LRRC72: variants seen among roughly 807,000 people sequenced by gnomAD.
The protein encoded by LRRC72 is leucine rich repeat containing 72, also known as leucine-rich repeat-containing protein 72.
Under a neutral mutation model 35.8 loss-of-function variants are expected in LRRC72, and 41 were observed. The ratio of observed to expected loss-of-function variants is 1.15; its 90% CI spans 0.89 to 1.49. The LOEUF (loss-of-function observed/expected upper bound fraction) is 1.49, where lower values mean the gene tolerates loss of function less well. Among genes scored for constraint, LRRC72 ranks in the 40% most tolerant of loss-of-function variants. The pLI is 0.00. For missense variants in LRRC72, 389 were observed against 330.7 expected (o/e 1.18, Z -1.37); for synonymous variants, 118 against 119.2 (o/e 0.99, Z 0.07).
intron 7 of LRRC72, among the ~76,000 whole-genome samples, chr7:16,575,243 G>T (rs1783019351): frequency 6.6e-6 from 1 of 152,176 alleles, no homozygotes; most frequent in South Asian, 2.1e-4. Context: ...ATTTGGCTCA[G>T]AATAAATCCC....
intron 3 of LRRC72, among the ~76,000 whole-genome samples, chr7:16,552,260 C>T (rs1427188363): frequency 1.3e-5 from 2 of 152,216 alleles, no homozygotes; most frequent in East Asian, 1.9e-4. Flanking sequence ...ATGTTAAAAT[C>T]AACAATTACA....
chr7:16,527,909 A>C (rs1229940214), intron 1 of LRRC72, among the ~76,000 whole-genome samples: 1 of 152,132 alleles, frequency 6.6e-6, no homozygotes, highest in African/African-American at 2.4e-5. Context: ...CTTTGATTCT[A>C]GATCCTCAGG....
At chr7:16,556,217 T>C (rs1422125224) in intron 3 of LRRC72, among the ~76,000 whole-genome samples, 1 of 152,226 alleles carries the variant, frequency 6.6e-6, no homozygotes, top group Admixed American at 6.5e-5. Flanking sequence ...TTTCCATTCA[T>C]ATGGAATTTT....
intron 7 of LRRC72, 65 bp from the exon 8 acceptor site, chr7:16,580,009 C>T (rs2128339615): frequency 2.9e-6 from 1 of 350,522 alleles, no homozygotes; most frequent in Non-Finnish European, 5.7e-6. Flanking sequence ...TAGCATTGTT[C>T]CACTGTTTTT....
chr7:16,563,478 A>T (rs531711403), intron 5 of LRRC72, among the ~76,000 whole-genome samples: 1 of 152,186 alleles, frequency 6.6e-6, no homozygotes, highest in Non-Finnish European at 1.5e-5. Flanking sequence ...GCCTAGAGGG[A>T]AGGTGGATTA....
intron 2 of LRRC72, among the ~76,000 whole-genome samples, chr7:16,533,059 T>G (rs1046134252): frequency 6.6e-6 from 1 of 152,150 alleles, no homozygotes; most frequent in Non-Finnish European, 1.5e-5. Flanking sequence ...TTCTCAGGGT[T>G]GTTGTGAAGC....
intron 2 of LRRC72, among the ~76,000 whole-genome samples, chr7:16,533,376 TA>T (rs1434322876): frequency 1.3e-5 from 2 of 152,114 alleles, no homozygotes; most frequent in South Asian, 4.1e-4. Flanking sequence ...AAGGGAGTTA[TA>T]AATAAGATTA....
Position 16,558,946 on chromosome 7 carries a change from A to C in LRRC72, c.374A>C (p.Asn125Thr), listed in dbSNP as rs1217918753. 1.9e-6 allele frequency: 3 copies of C among 1,538,538 alleles called. No homozygotes were observed. Among genetic ancestry groups the C allele is most frequent in the Admixed American group, 2.0e-5 (1 of 50,308 alleles). The change falls in exon 5 of 9, where the codon AAC becomes ACC. Residue 125 changes from asparagine to threonine, a missense_variant. Asn to Thr is a moderately conservative substitution (Grantham distance 65). Coordinates refer to ENST00000401542, the MANE Select transcript of LRRC72 (RefSeq NM_001195280.2). Reference sequence around the variant, plus strand: ...CTGCTACACCACAATGAGCTAACCAACATTGATGCAACAGTGAAGGAATTA... The same window carrying C: ...CTGCTACACCACAATGAGCTAACCACCATTGATGCAACAGTGAAGGAATTA... ...ILLLHHNELTNIDATVKELKG... is the reference protein window; with the variant it reads ...ILLLHHNELTTIDATVKELKG...
At chr7:16,527,108 T>A (rs964217384) in intron 1 of LRRC72, 66 bp downstream of exon 1, 10 of 1,306,766 alleles carry the variant, frequency 7.7e-6, no homozygotes, top group Non-Finnish European at 9.6e-6. Flanking sequence ...CCCCACCTCC[T>A]GCCTGAGGAC....
chr7:16,534,322 G>A (rs17169536), intron 2 of LRRC72, among the ~76,000 whole-genome samples: 38,771 of 152,028 alleles, frequency 0.26, 5,769 homozygotes, highest in East Asian at 0.39. Flanking sequence ...TAATGTAACA[G>A]CCCATTATTG....
chr7:16,540,867 C>G (rs1241709195), intron 3 of LRRC72, among the ~76,000 whole-genome samples: 3 of 152,144 alleles, frequency 2.0e-5, no homozygotes, highest in African/African-American at 7.2e-5. Context: ...AATTAAACCT[C>G]TTTTCTTTAT....
At chr7:16,533,212 T>C (rs1782198225) in intron 2 of LRRC72, among the ~76,000 whole-genome samples, 1 of 152,138 alleles carries the variant, frequency 6.6e-6, no homozygotes, top group Non-Finnish European at 1.5e-5. Flanking sequence ...CTACAACCTC[T>C]ACCAATCCCC....
intron 5 of LRRC72, among the ~76,000 whole-genome samples, chr7:16,563,027 G>C (rs1485230105): frequency 6.6e-6 from 1 of 152,082 alleles, no homozygotes; most frequent in Non-Finnish European, 1.5e-5. Flanking sequence ...CCTTGACCCG[G>C]AGCCTCACAA....
At chr7:16,545,404 C>G (rs80104386) in intron 3 of LRRC72, among the ~76,000 whole-genome samples, 1 of 152,058 alleles carries the variant, frequency 6.6e-6, no homozygotes, top group African/African-American at 2.4e-5. Flanking sequence ...ATAAAGAATT[C>G]TTTGAATGGC....
chr7:16,537,567 C>A, intron 2 of LRRC72, 60 bp from the exon 3 acceptor site: 2 of 1,052,628 alleles, frequency 1.9e-6, no homozygotes, highest in South Asian at 1.6e-5. Flanking sequence ...ACTACATGCC[C>A]AGACTTACCT....
intron 1 of LRRC72, among the ~76,000 whole-genome samples, chr7:16,527,554 T>C (rs533145085): frequency 1.3e-4 from 20 of 151,988 alleles, no homozygotes; most frequent in African/African-American, 4.6e-4. Flanking sequence ...CGTTATTTGA[T>C]GAGCCCTACA....
At chr7:16,573,409 C>T (rs1013582919) in intron 7 of LRRC72, among the ~76,000 whole-genome samples, 6 of 152,198 alleles carry the variant, frequency 3.9e-5, no homozygotes, top group Non-Finnish European at 8.8e-5. Flanking sequence ...AACTATACAA[C>T]ATGCCTACAG....
At chr7:16,577,558 C>T (rs1783063267) in intron 7 of LRRC72, among the ~76,000 whole-genome samples, 1 of 151,898 alleles carries the variant, frequency 6.6e-6, no homozygotes, top group Non-Finnish European at 1.5e-5. Flanking sequence ...TTATATGTAT[C>T]CCATAAATAT....
intron 2 of LRRC72, 30 bp from the exon 3 acceptor site, chr7:16,537,597 C>G: frequency 1.5e-6 from 2 of 1,372,270 alleles, no homozygotes; most frequent in East Asian, 5.1e-5. Context: ...CTAATTGTTG[C>G]TAATGTTCAC....
Sources: allele counts gnomAD v4.1 joint callset (sites outside exome capture counted in the v4.1 genomes callset), GRCh38; gene constraint gnomAD v4.1.1; transcripts MANE v1.5; gene names NCBI Gene and HGNC (gene_info 2026-07-23, HGNC 2026-07-21).